RBM33: variants seen among roughly 807,000 people sequenced by gnomAD.
RBM33 encodes the protein RNA binding motif protein 33.
In RBM33, 28 loss-of-function variants were observed where a neutral mutation model predicts 132.6. That is an observed-to-expected ratio of 0.21 (90% CI 0.16 to 0.29). RBM33 has a LOEUF of 0.29. RBM33 is among the 10% of genes least tolerant of loss of function. The pLI, the probability that RBM33 is intolerant of heterozygous loss-of-function variation, is 1.00. For synonymous variants in RBM33, 634 were observed against 593.0 expected (o/e 1.07, Z -1.01); for missense variants, 1,291 against 1,518.5 (o/e 0.85, Z 2.49).
intron 16 of RBM33, among the ~76,000 whole-genome samples, chr7:155,767,225 G>A (rs779679439): frequency 6.6e-6 from 1 of 152,248 alleles, no homozygotes; most frequent in Non-Finnish European, 1.5e-5. Flanking sequence ...TGGAAACAGG[G>A]TTTTCCACGG....
At chr7:155,735,719 GTC>G (rs879575856) in intron 9 of RBM33, among the ~76,000 whole-genome samples, 6,319 of 76,880 alleles carry the variant, frequency 0.082, 434 homozygotes, top group African/African-American at 0.28. Flanking sequence ...CTCTCTCTCT[GTC>G]TCTCTCTCTC....
intron 14 of RBM33, among the ~76,000 whole-genome samples, chr7:155,759,088 A>G (rs973902899): frequency 1.3e-4 from 20 of 152,248 alleles, no homozygotes; most frequent in African/African-American, 4.8e-4. Context: ...TTTCTTAGAA[A>G]GTCGTCAACG....
intron 3 of RBM33, among the ~76,000 whole-genome samples, chr7:155,676,948 G>A (rs1222347304): frequency 6.6e-6 from 1 of 152,120 alleles, no homozygotes; most frequent in Non-Finnish European, 1.5e-5. Context: ...ATGCCTTCTT[G>A]GCTCATTGAT....
intron 2 of RBM33, among the ~76,000 whole-genome samples, chr7:155,666,155 A>G (rs1006829592): frequency 3.3e-5 from 5 of 152,166 alleles, no homozygotes; most frequent in African/African-American, 1.2e-4. Context: ...GGCTCACGTG[A>G]TTATGGAGAC....
chr7:155,749,394 C>T (rs1406540408), intron 14 of RBM33, among the ~76,000 whole-genome samples: 3 of 152,204 alleles, frequency 2.0e-5, no homozygotes, highest in Non-Finnish European at 2.9e-5. Flanking sequence ...AGCCTAGGGC[C>T]GCCGCACACC....
intron 5 of RBM33, among the ~76,000 whole-genome samples, chr7:155,700,490 T>G (rs1246083290): frequency 6.6e-6 from 1 of 151,312 alleles, no homozygotes; most frequent in Non-Finnish European, 1.5e-5. Flanking sequence ...TTTTCAGACG[T>G]GTAAGCAGCA....
At chr7:155,706,801 C>G in intron 6 of RBM33, 59 bp from the exon 7 acceptor site, 1 of 1,378,234 alleles carries the variant, frequency 7.3e-7, no homozygotes, top group Non-Finnish European at 1.0e-6. Context: ...TGTTCTCTCC[C>G]TAGACCTCCA....
At chr7:155,770,756 G>A (rs745420453) in intron 16 of RBM33, among the ~76,000 whole-genome samples, 5 of 152,238 alleles carry the variant, frequency 3.3e-5, no homozygotes, top group Middle Eastern at 3.4e-3. Context: ...CCACAGCCAT[G>A]CACAGACATG....
chr7:155,673,766 G>GCT (rs776340484), intron 3 of RBM33, among the ~76,000 whole-genome samples: 2 of 120,298 alleles, frequency 1.7e-5, no homozygotes, highest in Non-Finnish European at 1.7e-5. Flanking sequence ...GCGCGCATGC[G>GCT]CGCACACACA....
intron 7 of RBM33, among the ~76,000 whole-genome samples, chr7:155,710,838 T>C (rs985183163): frequency 4.0e-5 from 6 of 151,878 alleles, no homozygotes; most frequent in African/African-American, 1.5e-4. Flanking sequence ...CAGGGAGGGC[T>C]GTGGCAGCTG....
Position 155,700,755 on chromosome 7 carries a change from T to C in RBM33, c.568-18T>C, listed in dbSNP as rs1209000118. On this transcript the variant is annotated intron_variant, in intron 5 of 17. Transcript: ENST00000401878. ...TGAACTTACTGTCCTTTTTTTGCCT[T>C]GTGTATCTGCAATATAGGGAGGTAT... The C allele has an allele frequency of 4.6e-6, 7 of 1,527,214 alleles. No individual in the cohort carries two copies. In the East Asian group the frequency reaches 1.5e-4, roughly 32 times the overall value. The allele number at this position is 1,527,214 out of a possible 1,614,324, so 94.6% of individuals were successfully genotyped here.
At chr7:155,684,618 A>G (rs1177796674) in intron 5 of RBM33, among the ~76,000 whole-genome samples, 2 of 152,162 alleles carry the variant, frequency 1.3e-5, no homozygotes, top group African/African-American at 4.8e-5. Context: ...GAGAGCACAT[A>G]AACCATGTCT....
At chr7:155,664,652 A>G (rs1798749716) in intron 1 of RBM33, among the ~76,000 whole-genome samples, 1 of 152,066 alleles carries the variant, frequency 6.6e-6, no homozygotes, top group Non-Finnish European at 1.5e-5. Flanking sequence ...AGTTTCACCT[A>G]TTTCTCTTTA....
intron 1 of RBM33, among the ~76,000 whole-genome samples, chr7:155,661,146 A>ATATAT (rs1421586760): frequency 1.6e-4 from 13 of 81,190 alleles, no homozygotes; most frequent in Non-Finnish European, 2.3e-4. Context: ...ATATATATAT[A>ATATAT]TTTTTTTTTT....
In RBM33 at chr7:155,684,873, G is replaced by A. The variant is rs186300842; in HGVS notation, c.567+3965G>A. Reference sequence around the variant, plus strand: ...CATGAATCATAAAGACGAAAAGTACGTAAAAAAACCACCCCAAAGCTGTAT... The same window carrying A: ...CATGAATCATAAAGACGAAAAGTACATAAAAAAACCACCCCAAAGCTGTAT... On this transcript the variant is annotated intron_variant, in intron 5 of 17. Coordinates refer to ENST00000401878, the MANE Select transcript of RBM33 (RefSeq NM_053043.3). 2.4e-4 allele frequency: 363 copies of A among 1,507,606 alleles called. 5 individuals are homozygous for A. The South Asian group carries it at 4.3e-3, about 18-fold the overall frequency. The allele number at this position is 1,507,606 out of a possible 1,614,324, so 93.4% of individuals were successfully genotyped here.
At chr7:155,671,139 G>C (rs1798932969) in intron 2 of RBM33, among the ~76,000 whole-genome samples, 1 of 152,124 alleles carries the variant, frequency 6.6e-6, no homozygotes, top group African/African-American at 2.4e-5. Context: ...TTTTCAAATG[G>C]GGTTATTGTA....
intron 1 of RBM33, among the ~76,000 whole-genome samples, chr7:155,654,072 A>C (rs7801726): frequency 6.6e-6 from 1 of 152,198 alleles, no homozygotes; most frequent in South Asian, 2.1e-4. Context: ...GGCTGAGTGA[A>C]GTGTAATAAT....
rs1479142937 is a variant in RBM33, at chr7:155,732,167, G to A, written c.1261-5363G>A. 4.6e-5 allele frequency among the ~76,000 whole-genome samples: 7 copies of A among 152,296 alleles called. No homozygotes were observed. The East Asian group carries it at 9.6e-4, about 21-fold the overall frequency. ...AAAGGGGTGAAGGGGAAACTGAGCC[G>A]GGATAGGAGAGAGTGGCAGTGTGTA... is the stretch of plus-strand genomic sequence containing the variant. On this transcript the variant is annotated intron_variant, in intron 9 of 17. Transcript: ENST00000401878.
At chr7:155,760,460 A>G (rs753356078) in intron 14 of RBM33, among the ~76,000 whole-genome samples, 1 of 152,180 alleles carries the variant, frequency 6.6e-6, no homozygotes, top group Non-Finnish European at 1.5e-5. Context: ...CCCTCCACCT[A>G]ACATGGGCCC....
Sources: allele counts gnomAD v4.1 joint callset (sites outside exome capture counted in the v4.1 genomes callset), GRCh38; gene constraint gnomAD v4.1.1; transcripts MANE v1.5; gene names NCBI Gene and HGNC (gene_info 2026-07-23, HGNC 2026-07-21).